Variants in CRYL1 observed in about 807,000 individuals in gnomAD.
The protein encoded by CRYL1 is crystallin lambda 1.
In CRYL1, 29 loss-of-function variants were observed where a neutral mutation model predicts 36.6. The ratio of observed to expected loss-of-function variants is 0.79; its 90% CI spans 0.59 to 1.08. The LOEUF (loss-of-function observed/expected upper bound fraction) is 1.08, where lower values mean the gene tolerates loss of function less well. Ranked by LOEUF, CRYL1 falls within the 50% of genes least tolerant of loss-of-function variation. The pLI, the probability that CRYL1 is intolerant of heterozygous loss-of-function variation, is 0.00. For missense variants in CRYL1, 411 were observed against 407.9 expected (o/e 1.01, Z -0.06); for synonymous variants, 152 against 151.5 (o/e 1.00, Z -0.02).
chr13:20,478,665 C>T (rs974649974), intron 3 of CRYL1, among the ~76,000 whole-genome samples: 10 of 152,120 alleles, frequency 6.6e-5, no homozygotes, highest in South Asian at 2.1e-4. Flanking sequence ...TTGGTAGAGA[C>T]GGTGTTTCAC....
At chr13:20,509,802 C>T (rs1276628147) in intron 2 of CRYL1, among the ~76,000 whole-genome samples, 2 of 152,060 alleles carry the variant, frequency 1.3e-5, no homozygotes, top group African/African-American at 4.8e-5. Flanking sequence ...TAGTGGCAGT[C>T]GCCTGTAATC....
chr13:20,495,559 G>A (rs1314529322), intron 2 of CRYL1, among the ~76,000 whole-genome samples: 1 of 152,182 alleles, frequency 6.6e-6, no homozygotes, highest in Non-Finnish European at 1.5e-5. Flanking sequence ...AAACGGCACA[G>A]CTGCTGTGGA....
At chr13:20,478,475 GGTTT>G (rs533219715) in intron 3 of CRYL1, among the ~76,000 whole-genome samples, 4 of 151,914 alleles carry the variant, frequency 2.6e-5, no homozygotes, top group South Asian at 2.1e-4. Context: ...CTTTTATTTG[GGTTT>G]GTTTGTTTGT....
chr13:20,436,892 C>T (rs2032229693), intron 4 of CRYL1, among the ~76,000 whole-genome samples: 1 of 148,758 alleles, frequency 6.7e-6, no homozygotes, highest in Admixed American at 6.9e-5. Context: ...GCAGGGTGGG[C>T]TCCTAGCTGG....
Position 20,435,322 on chromosome 13 carries a change from A to G in CRYL1, c.439-3026T>C, listed in dbSNP as rs574785312. Among the ~76,000 whole-genome samples the G allele has an allele frequency of 6.6e-6, 1 of 152,312 alleles. No individual in the cohort carries two copies. Among genetic ancestry groups the G allele is most frequent in the South Asian group, 2.1e-4 (1 of 4,830 alleles). ...TGAAGGGCTGCCCAGCGCCCACTGTACAAGGCACACGGCTGACTAGGACGC... is the reference window on the plus strand; with the variant it reads ...TGAAGGGCTGCCCAGCGCCCACTGTGCAAGGCACACGGCTGACTAGGACGC... On this transcript the variant is annotated intron_variant, in intron 4 of 7. Coordinates refer to ENST00000298248, the MANE Select transcript of CRYL1 (RefSeq NM_015974.3). This position sits in a 1 kb window ranked among gnomAD's most constrained non-coding sequence, Gnocchi z 4.0.
intron 1 of CRYL1, among the ~76,000 whole-genome samples, chr13:20,514,310 T>C (rs972757647): frequency 6.6e-6 from 1 of 152,224 alleles, no homozygotes; most frequent in African/African-American, 2.4e-5. Context: ...GAGTATGCAC[T>C]CTTGATATAA....
chr13:20,419,739 C>T (rs1401027479), intron 5 of CRYL1, among the ~76,000 whole-genome samples: 1 of 152,188 alleles, frequency 6.6e-6, no homozygotes, highest in African/African-American at 2.4e-5. Context: ...TGAGAACTAC[C>T]ACAATGATTC....
chr13:20,509,196 A>C (rs1197521287), intron 2 of CRYL1, among the ~76,000 whole-genome samples: 2,170 of 138,158 alleles, frequency 0.016, 21 homozygotes, highest in South Asian at 0.032. Flanking sequence ...CTCAATCCCC[A>C]AAAAAAAAAA....
At chr13:20,431,114 G>A (rs2032048688) in intron 5 of CRYL1, 3 of 985,366 alleles carry the variant, frequency 3.0e-6, no homozygotes, top group South Asian at 4.7e-5. Flanking sequence ...AGCAGGCCGC[G>A]GGAGGCCACA....
chr13:20,448,159 ATGTCTT>A (rs919278911), intron 3 of CRYL1, among the ~76,000 whole-genome samples: 53 of 152,320 alleles, frequency 3.5e-4, no homozygotes, highest in African/African-American at 1.3e-3. Context: ...GAGATGAAGA[ATGTCTT>A]TGGTTCATCA....
intron 7 of CRYL1, 84 bp downstream of exon 7, chr13:20,404,551 C>T (rs2031313809): frequency 1.2e-6 from 1 of 850,602 alleles, no homozygotes; most frequent in Admixed American, 2.1e-5. Context: ...AGAGGCAGGC[C>T]CACCCGCTGC....
At chr13:20,466,709 T>TGTGTGC (rs2032942283) in intron 3 of CRYL1, among the ~76,000 whole-genome samples, 1 of 151,946 alleles carries the variant, frequency 6.6e-6, no homozygotes. Context: ...TGTGTGTGTG[T>TGTGTGC]GTAGTTGAAG....
At chr13:20,443,206 C>A (rs1275018368) in intron 3 of CRYL1, among the ~76,000 whole-genome samples, 2 of 152,122 alleles carry the variant, frequency 1.3e-5, no homozygotes, top group African/African-American at 4.8e-5. Flanking sequence ...TGGCACAGCC[C>A]CAGCAAGTCT....
chr13:20,421,065 CAA>C (rs66714729), intron 5 of CRYL1, among the ~76,000 whole-genome samples: 104,314 of 151,114 alleles, frequency 0.69, 36,798 homozygotes, highest in Admixed American at 0.8. Context: ...AACAAACAAA[CAA>C]AAAAAAAAAT....
chr13:20,424,718 C>T (rs1175973787), intron 5 of CRYL1, among the ~76,000 whole-genome samples: 3 of 152,148 alleles, frequency 2.0e-5, no homozygotes, highest in South Asian at 2.1e-4. Context: ...CTGCAGAGCC[C>T]GCACAGGCCT....
At chr13:20,475,948 T>G (rs7329649) in intron 3 of CRYL1, among the ~76,000 whole-genome samples, 87,877 of 152,070 alleles carry the variant, frequency 0.58, 26,788 homozygotes, top group South Asian at 0.75. Context: ...CAGTGGAAAG[T>G]GGACTTGCTC....
intron 5 of CRYL1, among the ~76,000 whole-genome samples, chr13:20,428,527 C>G (rs2031983149): frequency 6.6e-6 from 1 of 152,076 alleles, no homozygotes; most frequent in South Asian, 2.1e-4. Flanking sequence ...TCCAGCAATC[C>G]CAAGTAGGAT....
rs2031651452 is a variant in CRYL1 at position 20,415,932 on chromosome 13, T to C, written c.634-2545A>G. On this transcript the variant is annotated intron_variant, in intron 5 of 7. Coordinates refer to ENST00000298248, the MANE Select transcript of CRYL1 (RefSeq NM_015974.3). This position sits in a 1 kb window ranked among gnomAD's most constrained non-coding sequence, Gnocchi z 4.1. Reference sequence around the variant, plus strand: ...TGTCCATCTCCTTGATGCAGAGATATGAGTTTAGTCATCCACCCTGCGGCC... The same window carrying C: ...TGTCCATCTCCTTGATGCAGAGATACGAGTTTAGTCATCCACCCTGCGGCC... Among the ~76,000 whole-genome samples, 1 of 152,184 alleles carries C rather than the reference T, an allele frequency of 6.6e-6. No individual in the cohort carries two copies. The highest frequency in any genetic ancestry group is 2.1e-4 in the South Asian group (1 of 4,828).
At chr13:20,433,347 G>A (rs952210335) in intron 4 of CRYL1, among the ~76,000 whole-genome samples, 5 of 152,194 alleles carry the variant, frequency 3.3e-5, no homozygotes, top group Non-Finnish European at 1.5e-5. Context: ...ACTGGCCTGA[G>A]CACTGAGCCA....
Sources: gnomAD v4.1 joint callset for allele counts (sites outside exome capture counted in the v4.1 genomes callset) on GRCh38, gnomAD v4.1.1 for gene constraint, Gnocchi (gnomAD v3.1) non-coding constraint, MANE v1.5 for transcripts, NCBI Gene and HGNC (gene_info 2026-07-23, HGNC 2026-07-21) for gene names.